Variants in PKHD1 observed in about 807,000 individuals in gnomAD.
The protein encoded by PKHD1 is fibrocystin.
PKHD1 carries 291 observed loss-of-function variants against 412.0 expected under a neutral mutation model. That is an observed-to-expected ratio of 0.71 (90% CI 0.64 to 0.78). PKHD1 has a LOEUF of 0.78. Among genes scored for constraint, PKHD1 ranks in the 30% least tolerant of loss-of-function variants. PKHD1 has a pLI of 0.00. For missense variants in PKHD1, 4,825 were observed against 4,950.7 expected, an observed-to-expected ratio of 0.97 and a Z score of 0.76; for synonymous variants, 1,777 against 1,821.5, an observed-to-expected ratio of 0.98 and a Z score of 0.62.
chr6:52,001,516 G>A (rs2499488), intron 35 of PKHD1, among the ~76,000 whole-genome samples: 64,725 of 150,252 alleles, frequency 0.43, 15,484 homozygotes, highest in Admixed American at 0.57. Flanking sequence ...TGCAAGCTCC[G>A]CCTCCCGGGT....
intron 52 of PKHD1, among the ~76,000 whole-genome samples, chr6:51,798,528 C>G (rs1406316543): frequency 1.3e-5 from 2 of 152,118 alleles, no homozygotes; most frequent in African/African-American, 4.8e-5. Flanking sequence ...TGTAGGTCAC[C>G]TAGCCTTTCT....
At chr6:51,780,359 G>C (rs997927101) in intron 53 of PKHD1, among the ~76,000 whole-genome samples, 7 of 151,406 alleles carry the variant, frequency 4.6e-5, no homozygotes, top group African/African-American at 1.7e-4. Context: ...CTGCACTCCA[G>C]CCTGGTGACA....
chr6:51,869,046 T>C (rs1775536918), intron 47 of PKHD1, among the ~76,000 whole-genome samples: 1 of 152,054 alleles, frequency 6.6e-6, no homozygotes, highest in Admixed American at 6.6e-5. Context: ...AAGATACAAA[T>C]AGAGGCTCTA....
intron 60 of PKHD1, among the ~76,000 whole-genome samples, chr6:51,669,987 C>T (rs1403600258): frequency 4.6e-5 from 7 of 151,646 alleles, no homozygotes; most frequent in South Asian, 2.1e-4. Context: ...AATTTTGGAA[C>T]AGGTGTGGTG....
rs544885415 is a variant in PKHD1 at position 51,798,762 on chromosome 6, T to C, written c.8303-7389A>G. On this transcript the variant is annotated intron_variant, in intron 52 of 66. Coordinates refer to ENST00000371117, the MANE Select transcript of PKHD1 (RefSeq NM_138694.4). ...TCCCTGTCTCAAAGCAAGAGTTTTATACAAATTGGTTTATATCTGTTCCAA... is the reference window on the plus strand; with the variant it reads ...TCCCTGTCTCAAAGCAAGAGTTTTACACAAATTGGTTTATATCTGTTCCAA... Among the ~76,000 whole-genome samples the C allele has an allele frequency of 1.6e-4, 25 of 152,308 alleles. No homozygotes were observed. In the South Asian group the frequency reaches 4.6e-3, roughly 28 times the overall value.
At chr6:51,620,425 G>T (rs1054345772) in intron 66 of PKHD1, among the ~76,000 whole-genome samples, 2 of 152,046 alleles carry the variant, frequency 1.3e-5, no homozygotes, top group Non-Finnish European at 2.9e-5. Flanking sequence ...TACCATGCAT[G>T]CAAAGGTCAC....
chr6:52,023,166 GT>G lies in PKHD1; in HGVS notation c.5237-223del, dbSNP rs745532987. On this transcript the variant is annotated intron_variant, in intron 32 of 66. Transcript: ENST00000371117. ...TTCAATATCCTATTGTGTTAAAGAG[GT>G]TTTTTTTTAATGTAACAATTTTTAT... Among the ~76,000 whole-genome samples, 123 of 150,906 alleles carry G rather than the reference GT, an allele frequency of 8.2e-4. 1 individual carries two copies. The highest frequency in any genetic ancestry group is 2.7e-3 in the African/African-American group (109 of 41,118).
chr6:52,070,918 C>T, intron 9 of PKHD1, 88 bp downstream of exon 9: 1 of 815,558 alleles, frequency 1.2e-6, no homozygotes, highest in South Asian at 1.4e-5. Context: ...TTATTATCCT[C>T]ATGAGAACCA....
At chr6:51,791,889 C>A (rs1793815679) in intron 52 of PKHD1, among the ~76,000 whole-genome samples, 1 of 152,162 alleles carries the variant, frequency 6.6e-6, no homozygotes, top group Non-Finnish European at 1.5e-5. Flanking sequence ...GTTCACAGGA[C>A]TTTTTGTGAG....
At chr6:51,789,262 A>G (rs1161168461) in intron 53 of PKHD1, among the ~76,000 whole-genome samples, 1 of 152,208 alleles carries the variant, frequency 6.6e-6, no homozygotes, top group East Asian at 1.9e-4. Context: ...AGGCCCATTA[A>G]TTTCATTTTT....
In PKHD1 at chr6:52,038,824, T is replaced by C. The variant is rs191384973; in HGVS notation, c.3098-3103A>G. Among the ~76,000 whole-genome samples the C allele has an allele frequency of 4.2e-3, 643 of 152,318 alleles. 1 individual carries two copies. Among genetic ancestry groups the C allele is most frequent in the Non-Finnish European group, 6.3e-3 (429 of 68,024 alleles). On this transcript the variant is annotated intron_variant, in intron 27 of 66. Coordinates refer to ENST00000371117, the MANE Select transcript of PKHD1 (RefSeq NM_138694.4). ...GGCATAAATCTTTGTAACATTGGAT[T>C]AGGCAATAGTTTCTTAGATGTGACA...
chr6:51,960,079 T>C (rs1791781894), intron 35 of PKHD1, 53 bp from the exon 36 acceptor site: 3 of 1,575,764 alleles, frequency 1.9e-6, no homozygotes, highest in African/African-American at 2.7e-5. Flanking sequence ...GGCTGGTCTG[T>C]TGCTTCGTTG....
At chr6:51,926,710 T>C (rs1284029086) in intron 37 of PKHD1, among the ~76,000 whole-genome samples, 1 of 152,208 alleles carries the variant, frequency 6.6e-6, no homozygotes, top group Non-Finnish European at 1.5e-5. Flanking sequence ...TAAAGATTGT[T>C]CCAAGGTTAC....
rs567380600 is a variant in PKHD1 at position 51,862,338 on chromosome 6, T to C, written c.7733+5525A>G. The stretch of plus-strand genomic sequence containing the variant: ...TATTATTCATAAAACTTAATAACCA[T>C]GTAATATTGTTGATGATATTCCTCA... On this transcript the variant is annotated intron_variant, in intron 48 of 66. Coordinates refer to ENST00000371117, the MANE Select transcript of PKHD1 (RefSeq NM_138694.4). Among the ~76,000 whole-genome samples the C allele has an allele frequency of 2.0e-5, 3 of 152,348 alleles. No homozygotes were observed. In the East Asian group the frequency reaches 5.8e-4, roughly 29 times the overall value.
chr6:52,031,742 A>G (rs1025643547), intron 29 of PKHD1, among the ~76,000 whole-genome samples: 3 of 152,168 alleles, frequency 2.0e-5, no homozygotes, highest in African/African-American at 4.8e-5. Flanking sequence ...CAGCACTCCA[A>G]CTTAAAAGAG....
At chr6:51,787,940 A>C (rs1350129329) in intron 53 of PKHD1, among the ~76,000 whole-genome samples, 6 of 152,232 alleles carry the variant, frequency 3.9e-5, no homozygotes, top group Non-Finnish European at 7.3e-5. Context: ...TGTATTTAAT[A>C]TCTCTCAATT....
intron 43 of PKHD1, among the ~76,000 whole-genome samples, chr6:51,895,266 G>T (rs1161798507): frequency 1.3e-5 from 2 of 152,152 alleles, no homozygotes; most frequent in Non-Finnish European, 1.5e-5. Flanking sequence ...CTCGCCTAGG[G>T]AACACAGGTT....
At chr6:52,000,188 G>C (rs532664484) in intron 35 of PKHD1, among the ~76,000 whole-genome samples, 1 of 152,262 alleles carries the variant, frequency 6.6e-6, no homozygotes, top group South Asian at 2.1e-4. Flanking sequence ...CGCTGGTCGA[G>C]AAATAGCAAC....
At chr6:51,895,940 G>T (rs543061455) in intron 43 of PKHD1, among the ~76,000 whole-genome samples, 1 of 152,100 alleles carries the variant, frequency 6.6e-6, no homozygotes, top group Non-Finnish European at 1.5e-5. Context: ...ACTCCCACCC[G>T]AATACTGCGC....
Sources: gnomAD v4.1 joint callset for allele counts (sites outside exome capture counted in the v4.1 genomes callset) on GRCh38, gnomAD v4.1.1 for gene constraint, MANE v1.5 for transcripts, NCBI Gene and HGNC (gene_info 2026-07-23, HGNC 2026-07-21) for gene names.